The following HECW1 variants were observed in gnomAD, a reference collection of about 807,000 sequenced individuals.
HECW1 encodes the protein HECT, C2 and WW domain containing E3 ubiquitin protein ligase 1.
Under a neutral mutation model 182.3 loss-of-function variants are expected in HECW1, and 61 were observed. The observed-to-expected ratio is 0.33, with a 90% CI of 0.27 to 0.41. The LOEUF is 0.41. Among genes scored for constraint, HECW1 ranks in the 10% least tolerant of loss-of-function variants. The pLI is 1.00. For missense variants in HECW1, 1,739 were observed against 2,108.9 expected (o/e 0.82, Z 3.44); for synonymous variants, 859 against 832.6 (o/e 1.03, Z -0.55).
At chr7:43,312,233 C>A (rs1808624490) in intron 4 of HECW1, 146 bp downstream of exon 4, 2 of 753,092 alleles carry the variant, frequency 2.7e-6, no homozygotes, top group Admixed American at 5.8e-5. Flanking sequence ...TGTTGCATGA[C>A]CTTGTTTTTC....
intron 2 of HECW1, among the ~76,000 whole-genome samples, chr7:43,200,329 T>C (rs1794914486): frequency 6.6e-6 from 1 of 152,264 alleles, no homozygotes; most frequent in African/African-American, 2.4e-5. Flanking sequence ...TATGATGCAG[T>C]ATTTTTAAAT....
Position 43,548,944 on chromosome 7 carries a change from A to G in HECW1, c.4249-1501A>G, listed in dbSNP as rs576366702. ...GGGTGACAGAGTGAGACCCTGTCTCAAAACAAAAACAAAAAAAGCTCTGTT... is the reference window on the plus strand; with the variant it reads ...GGGTGACAGAGTGAGACCCTGTCTCGAAACAAAAACAAAAAAAGCTCTGTT... On this transcript the variant is annotated intron_variant, in intron 26 of 29. Coordinates refer to ENST00000395891, the MANE Select transcript of HECW1 (RefSeq NM_015052.5). Among the ~76,000 whole-genome samples, 9 of 152,318 alleles carry G rather than the reference A, an allele frequency of 5.9e-5. No individual in the cohort carries two copies. In the East Asian group the frequency reaches 1.5e-3, roughly 26 times the overall value.
At chr7:43,502,917 G>A (rs1403793172) in intron 21 of HECW1, among the ~76,000 whole-genome samples, 1 of 152,154 alleles carries the variant, frequency 6.6e-6, no homozygotes. Context: ...ATTCCCAAGA[G>A]AAACAGAACT....
intron 4 of HECW1, among the ~76,000 whole-genome samples, chr7:43,317,609 TG>T (rs1809489057): frequency 6.6e-6 from 1 of 152,166 alleles, no homozygotes; most frequent in South Asian, 2.1e-4. Context: ...TTCTAACAAC[TG>T]GTAACAAATG....
chr7:43,116,607 T>A (rs755440001), intron 2 of HECW1, among the ~76,000 whole-genome samples: 4 of 152,180 alleles, frequency 2.6e-5, no homozygotes, highest in Non-Finnish European at 4.4e-5. Flanking sequence ...CTTACAGACA[T>A]CAAGACACCT....
intron 5 of HECW1, among the ~76,000 whole-genome samples, chr7:43,324,658 G>A (rs548253403): frequency 1.2e-4 from 18 of 152,098 alleles, no homozygotes; most frequent in African/African-American, 3.9e-4. Context: ...GCAGTCTCCC[G>A]GCAGTAATAA....
intron 2 of HECW1, among the ~76,000 whole-genome samples, chr7:43,210,851 T>G (rs1442937813): frequency 6.6e-6 from 1 of 152,066 alleles, no homozygotes; most frequent in Non-Finnish European, 1.5e-5. Flanking sequence ...TGGCGGTAAA[T>G]ATCAATGGTG....
intron 5 of HECW1, among the ~76,000 whole-genome samples, chr7:43,334,132 G>A (rs1562850203): frequency 2.0e-5 from 3 of 152,204 alleles, no homozygotes; most frequent in Non-Finnish European, 2.9e-5. Flanking sequence ...ACAGAGATCT[G>A]TGGAGCTTCA....
At chr7:43,472,233 T>TA (rs137985739) in intron 16 of HECW1, among the ~76,000 whole-genome samples, 1,913 of 151,140 alleles carry the variant, frequency 0.013, 40 homozygotes, top group African/African-American at 0.044. Context: ...GAGGAGACAG[T>TA]AAAAAAAAAG....
chr7:43,115,216 C>T (rs557636923), intron 2 of HECW1, among the ~76,000 whole-genome samples: 2 of 151,718 alleles, frequency 1.3e-5, no homozygotes, highest in African/African-American at 4.8e-5. Flanking sequence ...GAATCTGCGG[C>T]TTATTTTTAT....
At chr7:43,485,696 T>C (rs1193865266) in intron 17 of HECW1, among the ~76,000 whole-genome samples, 1 of 152,072 alleles carries the variant, frequency 6.6e-6, no homozygotes, top group Non-Finnish European at 1.5e-5. Context: ...AAATACAATA[T>C]AAAAGATTTA....
rs1247986291 is a variant in HECW1, at chr7:43,564,316, A to C, written c.*2390A>C. On this transcript the variant is annotated 3_prime_UTR_variant, in exon 30 of 30. Transcript: ENST00000395891. ...TATTTGTCAGGCATTGGAAAAGGAG[A>C]AAGCTGTTTACAAGATGGACCAGCT... 5.3e-6 allele frequency: 1 copy of C among 186,920 alleles called. No individual in the cohort carries two copies. Among genetic ancestry groups the C allele is most frequent in the African/African-American group, 2.3e-5 (1 of 42,774 alleles). The allele number at this position is 186,920 out of a possible 1,614,324, so 11.6% of individuals were successfully genotyped here. A position where few individuals can be genotyped will look rare whatever the true frequency, so the allele number is the denominator to read the frequency against.
Position 43,269,809 on chromosome 7 carries a change from C to A in HECW1, c.27+25877C>A, listed in dbSNP as rs76207213. ...GAGGGTAGGGTTACCTCTGAGGAGACAATTGGCAATGTCTGGAGGCATTTT... is the reference window on the plus strand; with the variant it reads ...GAGGGTAGGGTTACCTCTGAGGAGAAAATTGGCAATGTCTGGAGGCATTTT... On this transcript the variant is annotated intron_variant, in intron 3 of 29. Transcript: ENST00000395891. Among the ~76,000 whole-genome samples, 1,496 of 152,172 alleles carry A rather than the reference C, an allele frequency of 9.8e-3. 31 individuals are homozygous for A. The highest frequency in any genetic ancestry group is 0.033 in the African/African-American group (1,382 of 41,506).
At chr7:43,242,759 A>G (rs1799001993) in intron 2 of HECW1, among the ~76,000 whole-genome samples, 1 of 152,124 alleles carries the variant, frequency 6.6e-6, no homozygotes, top group Non-Finnish European at 1.5e-5. Context: ...GAGCCTGCAG[A>G]TGGGGCAGAG....
chr7:43,508,270 A>C (rs1209019356), intron 23 of HECW1, 139 bp downstream of exon 23: 3 of 584,850 alleles, frequency 5.1e-6, no homozygotes, highest in Admixed American at 6.2e-5. Context: ...TTCTCCCAGG[A>C]GGTCCTTCTT....
In HECW1 at chr7:43,407,547, T is replaced by C; in HGVS notation, c.632-15T>C. On this transcript the variant is annotated splice_polypyrimidine_tract_variant and intron_variant, in intron 7 of 29. Transcript: ENST00000395891. ...CCTAAAACATATTTAAATTAAAGTA[T>C]CCTTTATTTTATAGATTTCCAAGCC... 2 of 1,593,500 alleles carry C rather than the reference T, an allele frequency of 1.3e-6. No homozygotes were observed. The highest frequency in any genetic ancestry group is 1.7e-6 in the Non-Finnish European group (2 of 1,165,746).
chr7:43,550,421 G>A (rs753677985), intron 26 of HECW1, 24 bp from the exon 27 acceptor site: 16 of 1,613,144 alleles, frequency 9.9e-6, no homozygotes, highest in East Asian at 2.2e-5. Flanking sequence ...GACAAGCATC[G>A]CAATATTTCT....
chr7:43,529,327 C>T (rs1478306851), intron 24 of HECW1, among the ~76,000 whole-genome samples: 1 of 152,136 alleles, frequency 6.6e-6, no homozygotes, highest in Non-Finnish European at 1.5e-5. Context: ...CTCCCTGCTC[C>T]ATGCTTGCAC....
chr7:43,387,409 A>T (rs1181478946), intron 6 of HECW1, among the ~76,000 whole-genome samples: 1 of 152,200 alleles, frequency 6.6e-6, no homozygotes, highest in Non-Finnish European at 1.5e-5. Context: ...TTGAAGGAGA[A>T]AGTAAGTTTT....
Sources: gnomAD v4.1 joint callset for allele counts (sites outside exome capture counted in the v4.1 genomes callset) on GRCh38, gnomAD v4.1.1 for gene constraint, MANE v1.5 for transcripts, NCBI Gene and HGNC (gene_info 2026-07-23, HGNC 2026-07-21) for gene names.